Variants in NUBPL observed in about 807,000 individuals in gnomAD.
NUBPL encodes iron-sulfur cluster transfer protein NUBPL.
In NUBPL, 31 loss-of-function variants were observed where a neutral mutation model predicts 45.7. That is an observed-to-expected ratio of 0.68 (90% confidence interval 0.51 to 0.92). The LOEUF (loss-of-function observed/expected upper bound fraction) is 0.92. Among genes scored for constraint, NUBPL ranks in the 40% least tolerant of loss-of-function variants. The pLI is 0.00. For missense variants in NUBPL, 401 were observed against 398.7 expected (o/e 1.01, Z -0.05); for synonymous variants, 144 against 140.9 (o/e 1.02, Z -0.15).
At chr14:31,652,195 T>C (rs746215281) in intron 4 of NUBPL, among the ~76,000 whole-genome samples, 5 of 152,078 alleles carry the variant, frequency 3.3e-5, no homozygotes, top group Non-Finnish European at 5.9e-5. Flanking sequence ...TAGCCAGGCA[T>C]AGAAAGACAA....
intron 6 of NUBPL, among the ~76,000 whole-genome samples, chr14:31,753,000 G>T (rs1431894903): frequency 6.6e-6 from 1 of 152,188 alleles, no homozygotes; most frequent in Non-Finnish European, 1.5e-5. Flanking sequence ...CATGAGAACA[G>T]CATGAGGGAA....
At chr14:31,832,105 G>T (rs2040202792) in intron 8 of NUBPL, among the ~76,000 whole-genome samples, 1 of 152,138 alleles carries the variant, frequency 6.6e-6, no homozygotes, top group Non-Finnish European at 1.5e-5. Context: ...ATACACATAT[G>T]TGTGTATTGT....
At chr14:31,812,207 G>A (rs532182858) in intron 7 of NUBPL, among the ~76,000 whole-genome samples, 4 of 152,318 alleles carry the variant, frequency 2.6e-5, no homozygotes, top group East Asian at 3.9e-4. Context: ...GTCTGCAGAA[G>A]TTTCTGCTGC....
At chr14:31,772,969 A>G (rs983182033) in intron 6 of NUBPL, among the ~76,000 whole-genome samples, 3 of 152,186 alleles carry the variant, frequency 2.0e-5, no homozygotes, top group African/African-American at 4.8e-5. Flanking sequence ...GAACATTTAT[A>G]TAATTATTAT....
At chr14:31,591,450 CT>C (rs2034140964) in intron 3 of NUBPL, among the ~76,000 whole-genome samples, 1 of 152,182 alleles carries the variant, frequency 6.6e-6, no homozygotes, top group Admixed American at 6.5e-5. Context: ...GCATGAGCCA[CT>C]GCGCCCAGCC....
chr14:31,687,798 G>A (rs952371517), intron 6 of NUBPL, among the ~76,000 whole-genome samples: 2 of 152,194 alleles, frequency 1.3e-5, no homozygotes, highest in African/African-American at 4.8e-5. Flanking sequence ...AGTCTCTGAA[G>A]AAGTAGAGGA....
intron 6 of NUBPL, among the ~76,000 whole-genome samples, chr14:31,685,468 G>A (rs1391683734): frequency 6.6e-6 from 1 of 152,018 alleles, no homozygotes; most frequent in Non-Finnish European, 1.5e-5. Context: ...AAGGAAAATA[G>A]GATGGTAGCT....
chr14:31,817,953 G>T (rs142678172), intron 7 of NUBPL, among the ~76,000 whole-genome samples: 1 of 151,616 alleles, frequency 6.6e-6, no homozygotes, highest in Admixed American at 6.6e-5. Context: ...TCAAAATAAA[G>T]GGATGGAGGA....
intron 4 of NUBPL, among the ~76,000 whole-genome samples, chr14:31,600,072 C>T (rs1292534482): frequency 6.6e-6 from 1 of 151,764 alleles, no homozygotes. Flanking sequence ...CAGGTGCACG[C>T]CACCACGCCC....
intron 4 of NUBPL, among the ~76,000 whole-genome samples, chr14:31,620,645 C>T (rs1220839472): frequency 1.3e-5 from 2 of 152,292 alleles, no homozygotes; most frequent in Admixed American, 1.3e-4. Context: ...CATGTTTCTT[C>T]CTGTGGAAGC....
At chr14:31,685,937 G>A (rs2036942566) in intron 6 of NUBPL, among the ~76,000 whole-genome samples, 1 of 152,114 alleles carries the variant, frequency 6.6e-6, no homozygotes, top group South Asian at 2.1e-4. Context: ...GTATGGCCAA[G>A]GAATTCACAT....
At chr14:31,735,251 A>G (rs1270076279) in intron 6 of NUBPL, among the ~76,000 whole-genome samples, 4 of 152,298 alleles carry the variant, frequency 2.6e-5, no homozygotes, top group African/African-American at 9.6e-5. Context: ...TGTAATTTGT[A>G]TATATATTAA....
rs190950997 is a variant in NUBPL, at chr14:31,798,332, A to G, written c.607+10459A>G. On this transcript the variant is annotated intron_variant, in intron 7 of 10. Transcript: ENST00000281081. ...TTTTTTTTTTTTTTTGCTGTGCTGTATATAATATCCATGTGGTCAGTTGAT... is the reference window on the plus strand; with the variant it reads ...TTTTTTTTTTTTTTTGCTGTGCTGTGTATAATATCCATGTGGTCAGTTGAT... 3.2e-4 allele frequency among the ~76,000 whole-genome samples: 34 copies of G among 107,650 alleles called. 1 individual carries two copies. The highest frequency in any genetic ancestry group is 2.1e-3 in the East Asian group (7 of 3,356). The allele number at this position is 107,650 out of a possible 152,430, so 70.6% of individuals were successfully genotyped here.
Position 31,859,230 on chromosome 14 carries a change from T to C in NUBPL, c.*50T>C. On this transcript the variant is annotated 3_prime_UTR_variant, in exon 11 of 11. Coordinates refer to ENST00000281081, the MANE Select transcript of NUBPL (RefSeq NM_025152.3). ...CCTGGTACTGACATTAAGAGGACCT[T>C]TGGAAATCAGCAATGTGGTGATGGA... 7.1e-7 allele frequency: 1 copy of C among 1,418,410 alleles called. No individual in the cohort carries two copies. Among genetic ancestry groups the C allele is most frequent in the Middle Eastern group, 1.8e-4 (1 of 5,702 alleles). 87.9% of individuals were successfully genotyped at this position (1,418,410 alleles called of 1,614,324 possible). A position where few individuals can be genotyped will look rare whatever the true frequency, so the allele number is the denominator to read the frequency against.
rs2035448982 is a variant in NUBPL, at chr14:31,634,989, G to A, written c.382+35610G>A. Among the ~76,000 whole-genome samples, 4 of 150,376 alleles carry A rather than the reference G, an allele frequency of 2.7e-5. No individual in the cohort carries two copies. In the South Asian group the frequency reaches 8.4e-4, roughly 32 times the overall value. ...AGTTCATTGTAGATTCTGGATATTAGCCCTCTGTCAGATGAGTAGGTTGCG... is the reference window on the plus strand; with the variant it reads ...AGTTCATTGTAGATTCTGGATATTAACCCTCTGTCAGATGAGTAGGTTGCG... On this transcript the variant is annotated intron_variant, in intron 4 of 10. Coordinates refer to ENST00000281081, the MANE Select transcript of NUBPL (RefSeq NM_025152.3).
At chr14:31,779,020 C>A (rs1371730309) in intron 6 of NUBPL, among the ~76,000 whole-genome samples, 2 of 152,076 alleles carry the variant, frequency 1.3e-5, no homozygotes, top group Non-Finnish European at 2.9e-5. Context: ...AGTTATTACA[C>A]CAGGTGATGG....
At chr14:31,612,282 C>T (rs1595367288) in intron 4 of NUBPL, among the ~76,000 whole-genome samples, 1 of 152,172 alleles carries the variant, frequency 6.6e-6, no homozygotes, top group East Asian at 1.9e-4. Context: ...TATAGGAAAA[C>T]AATCTAATAA....
intron 7 of NUBPL, among the ~76,000 whole-genome samples, chr14:31,804,816 C>G (rs970545858): frequency 6.6e-6 from 1 of 151,994 alleles, no homozygotes; most frequent in Non-Finnish European, 1.5e-5. Flanking sequence ...AATGTAAAAC[C>G]CAAAACTATC....
intron 6 of NUBPL, among the ~76,000 whole-genome samples, chr14:31,763,361 T>C (rs575087817): frequency 1.4e-4 from 22 of 152,316 alleles, no homozygotes; most frequent in African/African-American, 4.8e-4. Flanking sequence ...GAGTTCACTA[T>C]CTAATAAGAA....
Sources: gnomAD v4.1 joint callset for allele counts (sites outside exome capture counted in the v4.1 genomes callset) on GRCh38, gnomAD v4.1.1 for gene constraint, MANE v1.5 for transcripts, NCBI Gene and HGNC (gene_info 2026-07-23, HGNC 2026-07-21) for gene names.